The following GRAMD2B variants were observed in gnomAD, a reference collection of about 807,000 sequenced individuals.
GRAMD2B encodes the protein GRAM domain containing 2B, also known as GRAM domain-containing protein 2B.
GRAMD2B carries 41 observed loss-of-function variants against 59.2 expected under a neutral mutation model. The ratio of observed to expected loss-of-function variants is 0.69; its 90% CI spans 0.54 to 0.90. The LOEUF (loss-of-function observed/expected upper bound fraction) is 0.90. Ranked by LOEUF, GRAMD2B falls within the 40% of genes least tolerant of loss-of-function variation. The pLI, the probability that GRAMD2B is intolerant of heterozygous loss-of-function variation, is 0.00. For missense variants in GRAMD2B, 424 were observed against 500.5 expected, an observed-to-expected ratio of 0.85 and a Z score of 1.46; for synonymous variants, 161 against 182.7, an observed-to-expected ratio of 0.88 and a Z score of 0.96.
chr5:126,397,638 G>GT (rs1263498673), intron 1 of GRAMD2B, among the ~76,000 whole-genome samples: 1 of 152,068 alleles, frequency 6.6e-6, no homozygotes, highest in Non-Finnish European at 1.5e-5. Flanking sequence ...CAATCATGTG[G>GT]TTTTCTTCTT....
chr5:126,487,494 T>C (rs1013771357), intron 12 of GRAMD2B, among the ~76,000 whole-genome samples: 3 of 152,212 alleles, frequency 2.0e-5, no homozygotes, highest in Non-Finnish European at 4.4e-5. Flanking sequence ...CTGGCCTAAT[T>C]AAACCTTTTC....
At chr5:126,379,930 T>C (rs993741665) in intron 1 of GRAMD2B, among the ~76,000 whole-genome samples, 1 of 152,234 alleles carries the variant, frequency 6.6e-6, no homozygotes, top group Admixed American at 6.5e-5. Context: ...CACCTATTTA[T>C]CTTTGTTTTT....
intron 1 of GRAMD2B, among the ~76,000 whole-genome samples, chr5:126,443,058 C>G (rs1189195907): frequency 6.6e-6 from 1 of 152,168 alleles, no homozygotes; most frequent in Non-Finnish European, 1.5e-5. Context: ...AAATTTACCA[C>G]TCTCTCCCAG....
At chr5:126,391,313 C>T (rs1756727885) in intron 1 of GRAMD2B, among the ~76,000 whole-genome samples, 1 of 19,730 alleles carries the variant, frequency 5.1e-5, no homozygotes, top group Admixed American at 7.3e-4. Context: ...GAGGGAGACT[C>T]CATCTCAAAA....
At chr5:126,425,889 G>C (rs931296091) in intron 1 of GRAMD2B, among the ~76,000 whole-genome samples, 1 of 152,168 alleles carries the variant, frequency 6.6e-6, no homozygotes, top group African/African-American at 2.4e-5. Flanking sequence ...ATAGGGAGTT[G>C]ATCAGAGGGT....
At chr5:126,466,419 T>G in intron 2 of GRAMD2B, 2 of 715,340 alleles carry the variant, frequency 2.8e-6, no homozygotes, top group Non-Finnish European at 5.0e-6. Context: ...TGCTGTTTTG[T>G]GGCATCTCAC....
chr5:126,415,843 A>G (rs963290748), intron 1 of GRAMD2B, among the ~76,000 whole-genome samples: 7 of 152,220 alleles, frequency 4.6e-5, no homozygotes, highest in Admixed American at 1.3e-4. Context: ...TATATTTAAA[A>G]AGACGAAAAG....
chr5:126,477,700 T>G lies in GRAMD2B; in HGVS notation c.495T>G (p.Ile165Met). 1.9e-6 allele frequency: 3 copies of G among 1,594,464 alleles called. No individual in the cohort carries two copies. Among genetic ancestry groups the G allele is most frequent in the Non-Finnish European group, 2.6e-6 (3 of 1,162,112 alleles). Residue 165 changes from isoleucine (I) to methionine (M), a missense_variant, in exon 6 of 14, where the codon ATT (isoleucine) becomes ATG (methionine). Ile to Met is a conservative substitution (Grantham distance 10). Transcript: ENST00000285689. ...KVFGKDTKIS[I>M]PAFSVTLIKK... is the part of the protein sequence containing the mutation. ...TGCTGATTCTGTTTCAGATCTCTAT[T>G]CCAGCTTTCTCGGTAACCCTAATAA...
At chr5:126,362,921 T>C (rs1240328982) in intron 1 of GRAMD2B, among the ~76,000 whole-genome samples, 4 of 152,186 alleles carry the variant, frequency 2.6e-5, no homozygotes, top group African/African-American at 9.7e-5. Flanking sequence ...AATTATTTCT[T>C]AGGCCCAACA....
At chr5:126,485,145 G>C (rs895146700) in intron 10 of GRAMD2B, among the ~76,000 whole-genome samples, 5 of 152,022 alleles carry the variant, frequency 3.3e-5, no homozygotes, top group African/African-American at 1.2e-4. Flanking sequence ...TTGAGTCCAA[G>C]GAGTTCAAGA....
At chr5:126,446,368 A>G (rs532144972) in intron 1 of GRAMD2B, among the ~76,000 whole-genome samples, 75 of 152,222 alleles carry the variant, frequency 4.9e-4, no homozygotes, top group African/African-American at 1.0e-3. Flanking sequence ...CCTGTTTTCT[A>G]TGTTATAAAA....
chr5:126,400,576 A>C (rs1242336449), intron 1 of GRAMD2B, among the ~76,000 whole-genome samples: 1 of 152,110 alleles, frequency 6.6e-6, no homozygotes, highest in African/African-American at 2.4e-5. Context: ...ATATGTTTTC[A>C]TGTTACTAAT....
At chr5:126,369,891 T>C (rs1346265230), upstream of GRAMD2B, among the ~76,000 whole-genome samples, 1 of 152,216 alleles carries the variant, frequency 6.6e-6, no homozygotes, top group African/African-American at 2.4e-5. Context: ...CCCATGCAGG[T>C]TGTTGCTATT....
intron 1 of GRAMD2B, among the ~76,000 whole-genome samples, chr5:126,445,020 CATG>C (rs1763952372): frequency 6.6e-6 from 1 of 152,218 alleles, no homozygotes; most frequent in Non-Finnish European, 1.5e-5. Context: ...CTGCAAAGGA[CATG>C]ATCTCAGTCT....
chr5:126,414,924 A>C (rs945138827), intron 1 of GRAMD2B, among the ~76,000 whole-genome samples: 2 of 152,288 alleles, frequency 1.3e-5, no homozygotes, highest in East Asian at 3.9e-4. Context: ...CAACATTTCT[A>C]TGTAAAAAGT....
rs115936115 is a variant in GRAMD2B, at chr5:126,364,045, A to T, written c.128+3586A>T. On this transcript the variant is annotated intron_variant, in intron 1 of 13. Coordinates refer to the GRAMD2B transcript ENST00000513040. ...TAGTTACTTTAAATAAGACCTTATG[A>T]TTTTATTATAAGTATTGATCAAAAT... Among the ~76,000 whole-genome samples, 610 of 152,314 alleles carry T rather than the reference A, an allele frequency of 4.0e-3. 6 individuals carry two copies. Among genetic ancestry groups the T allele is most frequent in the African/African-American group, 0.014 (584 of 41,572 alleles).
At chr5:126,437,078 C>A (rs1418985447) in intron 1 of GRAMD2B, among the ~76,000 whole-genome samples, 1 of 152,188 alleles carries the variant, frequency 6.6e-6, no homozygotes, top group East Asian at 1.9e-4. Flanking sequence ...TCTGGTTTAT[C>A]TATAAGGCAC....
chr5:126,489,966 T>C (rs1773617852), intron 13 of GRAMD2B, among the ~76,000 whole-genome samples: 1 of 152,262 alleles, frequency 6.6e-6, no homozygotes. Context: ...TTTGTTTTCC[T>C]ACACTCAGTG....
chr5:126,446,602 C>T (rs1471013226), intron 1 of GRAMD2B, among the ~76,000 whole-genome samples: 1 of 143,272 alleles, frequency 7.0e-6, no homozygotes, highest in Admixed American at 7.2e-5. Flanking sequence ...TGTTTACATT[C>T]CCCAAGCTTT....
Sources: allele counts gnomAD v4.1 joint callset (sites outside exome capture counted in the v4.1 genomes callset), GRCh38; gene constraint gnomAD v4.1.1; transcripts MANE v1.5; gene names NCBI Gene and HGNC (gene_info 2026-07-23, HGNC 2026-07-21).